The following LMBRD1 variants were observed in gnomAD, a reference collection of about 807,000 sequenced individuals.
LMBRD1 encodes the protein lysosomal cobalamin transport escort protein LMBD1.
LMBRD1 carries 64 observed loss-of-function variants against 74.8 expected under a neutral mutation model. The observed-to-expected ratio is 0.86, with a 90% CI of 0.70 to 1.05. The LOEUF (loss-of-function observed/expected upper bound fraction) is 1.05. Among genes scored for constraint, LMBRD1 ranks in the 50% least tolerant of loss-of-function variants. LMBRD1 has a pLI of 0.00. For synonymous variants in LMBRD1, 204 were observed against 216.3 expected (o/e 0.94, Z 0.50); for missense variants, 652 against 645.9 (o/e 1.01, Z -0.10).
At chr6:69,788,684 A>T (rs566265292) in intron 2 of LMBRD1, among the ~76,000 whole-genome samples, 1 of 152,364 alleles carries the variant, frequency 6.6e-6, no homozygotes, top group South Asian at 2.1e-4. Context: ...CAGTAAAATT[A>T]GTCATTTTCT....
intron 14 of LMBRD1, among the ~76,000 whole-genome samples, chr6:69,685,282 T>A (rs767295798): frequency 2.6e-5 from 4 of 152,080 alleles, no homozygotes; most frequent in Non-Finnish European, 5.9e-5. Flanking sequence ...CAAAGGTAGA[T>A]AAGAATCTGG....
At chr6:69,748,696 T>C (rs954377968) in intron 5 of LMBRD1, among the ~76,000 whole-genome samples, 4 of 152,054 alleles carry the variant, frequency 2.6e-5, no homozygotes, top group African/African-American at 9.6e-5. Context: ...ATGAGACTAA[T>C]GACCTATTTT....
At chr6:69,700,909 AT>A (rs1766113849) in intron 11 of LMBRD1, 40 bp from the exon 12 acceptor site, 1 of 1,196,228 alleles carries the variant, frequency 8.4e-7, no homozygotes, top group Non-Finnish European at 1.2e-6. Flanking sequence ...CATATAAACT[AT>A]AAGCACTCTA....
chr6:69,794,288 T>C (rs1766161954), intron 1 of LMBRD1, among the ~76,000 whole-genome samples: 1 of 150,918 alleles, frequency 6.6e-6, no homozygotes, highest in Admixed American at 6.5e-5. Context: ...CACCACAAGT[T>C]CAAAAAGGGA....
intron 10 of LMBRD1, 95 bp from the exon 11 acceptor site, chr6:69,701,640 G>A (rs1280103997): frequency 1.3e-6 from 1 of 767,242 alleles, no homozygotes. Flanking sequence ...ATACACCTGA[G>A]TCAAAGAAAA....
chr6:69,710,044 T>C (rs1257557336), intron 9 of LMBRD1, among the ~76,000 whole-genome samples: 1 of 152,162 alleles, frequency 6.6e-6, no homozygotes, highest in Non-Finnish European at 1.5e-5. Flanking sequence ...TGCAAAGGAT[T>C]TGGCAAAGCC....
At chr6:69,752,604 G>T (rs1765183236) in intron 3 of LMBRD1, among the ~76,000 whole-genome samples, 1 of 152,106 alleles carries the variant, frequency 6.6e-6, no homozygotes, top group Non-Finnish European at 1.5e-5. Flanking sequence ...TCTAACAATA[G>T]TAATAACTGG....
At chr6:69,705,591 T>G (rs1766234688) in intron 9 of LMBRD1, 1 of 1,063,640 alleles carries the variant, frequency 9.4e-7, no homozygotes, top group Non-Finnish European at 1.4e-6. Flanking sequence ...TCATATAGAT[T>G]TCTTCACTGG....
intron 8 of LMBRD1, among the ~76,000 whole-genome samples, chr6:69,714,802 A>G (rs1489220497): frequency 6.6e-6 from 1 of 152,134 alleles, no homozygotes; most frequent in Non-Finnish European, 1.5e-5. Flanking sequence ...ACATATCGGC[A>G]TCACTATGAT....
rs572591243 is a variant in LMBRD1 at position 69,766,854 on chromosome 6, G to C, written c.307+13640C>G. On this transcript the variant is annotated intron_variant, in intron 3 of 15. Transcript: ENST00000649934. ...TTGTGTGAAGAAATCTAGGTATGGGGTTCTCTTTGTGGGAATATTTTAAAT... is the reference window on the plus strand; with the variant it reads ...TTGTGTGAAGAAATCTAGGTATGGGCTTCTCTTTGTGGGAATATTTTAAAT... 9.2e-5 allele frequency among the ~76,000 whole-genome samples: 14 copies of C among 151,646 alleles called. No homozygotes were observed. The South Asian group carries it at 2.9e-3, about 32-fold the overall frequency.
At chr6:69,769,281 G>A (rs1765530862) in intron 3 of LMBRD1, among the ~76,000 whole-genome samples, 1 of 151,808 alleles carries the variant, frequency 6.6e-6, no homozygotes, top group Admixed American at 6.6e-5. Context: ...CAAACCTCTG[G>A]TAAGACCCTC....
chr6:69,732,914 T>C (rs895776799), intron 7 of LMBRD1, among the ~76,000 whole-genome samples: 1 of 152,190 alleles, frequency 6.6e-6, no homozygotes, highest in African/African-American at 2.4e-5. Context: ...ATTTAGTAAG[T>C]ATCAATTCCC....
intron 3 of LMBRD1, among the ~76,000 whole-genome samples, chr6:69,755,891 G>C (rs1468690663): frequency 6.6e-6 from 1 of 152,148 alleles, no homozygotes; most frequent in Admixed American, 6.5e-5. Context: ...ACAGCCTAAT[G>C]ACTATTTTAT....
At chr6:69,705,306 T>A (rs1766228229) in intron 9 of LMBRD1, 3 of 748,636 alleles carry the variant, frequency 4.0e-6, no homozygotes, top group Non-Finnish European at 7.3e-6. Flanking sequence ...CTTCCTCAAC[T>A]GCCAGAGATC....
intron 3 of LMBRD1, among the ~76,000 whole-genome samples, chr6:69,756,468 G>A (rs1765268805): frequency 6.6e-6 from 1 of 151,930 alleles, no homozygotes; most frequent in East Asian, 1.9e-4. Flanking sequence ...AAATCTAAAT[G>A]GCTAAAATTA....
chr6:69,796,165 C>G (rs1160814764), intron 1 of LMBRD1, among the ~76,000 whole-genome samples: 2 of 152,148 alleles, frequency 1.3e-5, no homozygotes, highest in Non-Finnish European at 1.5e-5. Context: ...TGAGGTCAGA[C>G]AGGTAGTAGT....
chr6:69,709,889 A>G lies in LMBRD1; in HGVS notation c.915+3756T>C, dbSNP rs182731638. ...ACAAAACATTCCTGAGAGAAATTTA[A>G]GATGTAAATAAATAGATATCATGTT... is the stretch of plus-strand genomic sequence containing the variant. On this transcript the variant is annotated intron_variant, in intron 9 of 15. Coordinates refer to ENST00000649934, the MANE Select transcript of LMBRD1 (RefSeq NM_018368.4). Among the ~76,000 whole-genome samples the G allele has an allele frequency of 3.0e-4, 45 of 152,316 alleles. No homozygotes were observed. The East Asian group carries it at 8.5e-3, about 29-fold the overall frequency.
intron 1 of LMBRD1, among the ~76,000 whole-genome samples, chr6:69,793,037 T>C (rs1364210681): frequency 6.6e-6 from 1 of 152,248 alleles, no homozygotes; most frequent in Non-Finnish European, 1.5e-5. Context: ...ATAGGAATAC[T>C]TCTTTCATAA....
At chr6:69,734,164 G>A (rs1766923586) in intron 7 of LMBRD1, among the ~76,000 whole-genome samples, 1 of 152,092 alleles carries the variant, frequency 6.6e-6, no homozygotes, top group South Asian at 2.1e-4. Context: ...GATCTTAGTG[G>A]GCTGTTACAT....
Sources: gnomAD v4.1 joint callset for allele counts (sites outside exome capture counted in the v4.1 genomes callset) on GRCh38, gnomAD v4.1.1 for gene constraint, MANE v1.5 for transcripts, NCBI Gene and HGNC (gene_info 2026-07-23, HGNC 2026-07-21) for gene names.